EXOC6B: variants seen among roughly 807,000 people sequenced by gnomAD.
EXOC6B encodes the protein exocyst complex component 6B.
EXOC6B carries 54 observed loss-of-function variants against 113.5 expected under a neutral mutation model. That is an observed-to-expected ratio of 0.48 (90% confidence interval 0.38 to 0.60). The LOEUF is 0.60. EXOC6B is among the 20% of genes least tolerant of loss of function. The pLI is 0.00. For missense variants in EXOC6B, 797 were observed against 977.5 expected (o/e 0.82, Z 2.46); for synonymous variants, 357 against 339.0 (o/e 1.05, Z -0.58).
At chr2:72,730,312 A>G (rs1366943179) in intron 5 of EXOC6B, among the ~76,000 whole-genome samples, 2 of 152,200 alleles carry the variant, frequency 1.3e-5, no homozygotes, top group Non-Finnish European at 2.9e-5. Context: ...TCAGTAGACT[A>G]TGAGTAAAGA....
chr2:72,445,593 A>G (rs984307974), intron 18 of EXOC6B, among the ~76,000 whole-genome samples: 1 of 152,220 alleles, frequency 6.6e-6, no homozygotes, highest in South Asian at 2.1e-4. Flanking sequence ...AGGAAGAACA[A>G]GTCATATGTG....
intron 19 of EXOC6B, among the ~76,000 whole-genome samples, chr2:72,349,680 C>G (rs1465497801): frequency 6.6e-6 from 1 of 152,150 alleles, no homozygotes; most frequent in Non-Finnish European, 1.5e-5. Flanking sequence ...CTCAGCCAAG[C>G]CCTATGTGTC....
In EXOC6B at chr2:72,457,653, T is replaced by C. The variant is rs562822362; in HGVS notation, c.1980+7507A>G. 4.0e-3 allele frequency among the ~76,000 whole-genome samples: 603 copies of C among 152,212 alleles called. 3 individuals carry two copies. The highest frequency in any genetic ancestry group is 0.011 in the South Asian group (55 of 4,826). The stretch of plus-strand genomic sequence containing the variant: ...CAAAAACATGCTCTTACGCTGAGCA[T>C]GCAAAATGGGTAACTGTGTATGCAA... On this transcript the variant is annotated intron_variant, in intron 18 of 21. Transcript: ENST00000272427.
intron 20 of EXOC6B, among the ~76,000 whole-genome samples, chr2:72,236,769 G>T (rs62147601): frequency 0.038 from 5,813 of 152,022 alleles, 137 homozygotes; most frequent in Non-Finnish European, 0.051. Context: ...TTAATAGTGG[G>T]ACAAGCAAAG....
intron 6 of EXOC6B, among the ~76,000 whole-genome samples, chr2:72,640,462 C>T (rs1018110001): frequency 2.6e-5 from 4 of 152,168 alleles, no homozygotes; most frequent in Non-Finnish European, 5.9e-5. Flanking sequence ...TCCATGAGAA[C>T]GTCCCCAACC....
At chr2:72,512,053 T>C (rs1199758206) in intron 11 of EXOC6B, among the ~76,000 whole-genome samples, 1 of 152,116 alleles carries the variant, frequency 6.6e-6, no homozygotes, top group African/African-American at 2.4e-5. Flanking sequence ...ACTAAAATGA[T>C]CATTTAATTG....
intron 7 of EXOC6B, among the ~76,000 whole-genome samples, chr2:72,566,870 C>A (rs1394002281): frequency 2.6e-5 from 4 of 151,876 alleles, no homozygotes; most frequent in Non-Finnish European, 5.9e-5. Context: ...TTTCTATGAA[C>A]TGATATGGAA....
chr2:72,592,744 G>A (rs976044220), intron 6 of EXOC6B, among the ~76,000 whole-genome samples: 2 of 152,122 alleles, frequency 1.3e-5, no homozygotes, highest in Non-Finnish European at 2.9e-5. Context: ...GAGGTGATGC[G>A]AGCATCTTTA....
chr2:72,479,370 G>A (rs1418721436), intron 17 of EXOC6B, among the ~76,000 whole-genome samples: 1 of 151,990 alleles, frequency 6.6e-6, no homozygotes, highest in African/African-American at 2.4e-5. Context: ...TATAATAGCA[G>A]TATGAATCAA....
chr2:72,197,716 G>T, intron 20 of EXOC6B, among the ~76,000 whole-genome samples: 1 of 152,084 alleles, frequency 6.6e-6, no homozygotes, highest in Non-Finnish European at 1.5e-5. Context: ...ACTGAATGTT[G>T]GAGGAGACAA....
intron 1 of EXOC6B, among the ~76,000 whole-genome samples, chr2:72,752,464 T>C (rs1054162435): frequency 6.6e-6 from 1 of 151,840 alleles, no homozygotes; most frequent in Non-Finnish European, 1.5e-5. Context: ...CCCATTATTT[T>C]AAAGAAAAAA....
At chr2:72,773,454 A>G in intron 1 of EXOC6B, among the ~76,000 whole-genome samples, 1 of 151,884 alleles carries the variant, frequency 6.6e-6, no homozygotes, top group East Asian at 1.9e-4. Context: ...TCACCAAAAA[A>G]AAAAAAAAAG....
intron 11 of EXOC6B, 105 bp downstream of exon 11, chr2:72,513,027 G>A (rs1041637834): frequency 1.5e-6 from 2 of 1,315,214 alleles, no homozygotes; most frequent in Admixed American, 2.4e-5. Context: ...ATAGCTCCAA[G>A]TGAGTGATTC....
intron 18 of EXOC6B, among the ~76,000 whole-genome samples, chr2:72,460,206 C>A (rs957319893): frequency 7.0e-4 from 107 of 152,128 alleles, no homozygotes; most frequent in African/African-American, 2.6e-3. Flanking sequence ...AAAATTAATT[C>A]AAGATGGATT....
At chr2:72,292,203 GTGTGTGTGTA>G (rs1558527826) in intron 20 of EXOC6B, among the ~76,000 whole-genome samples, 1 of 149,494 alleles carries the variant, frequency 6.7e-6, no homozygotes, top group African/African-American at 2.5e-5. Context: ...GTGTGTGTGT[GTGTGTGTGTA>G]CCTTATAAAT....
At chr2:72,705,590 C>T (rs1205008122) in intron 6 of EXOC6B, among the ~76,000 whole-genome samples, 1 of 152,122 alleles carries the variant, frequency 6.6e-6, no homozygotes, top group African/African-American at 2.4e-5. Context: ...ACTTCATACA[C>T]ACACGTGCAT....
intron 7 of EXOC6B, among the ~76,000 whole-genome samples, chr2:72,564,638 A>G (rs1020545286): frequency 2.0e-5 from 3 of 152,180 alleles, no homozygotes; most frequent in Non-Finnish European, 4.4e-5. Context: ...ACCAGTGTGC[A>G]TTTCAGAACT....
chr2:72,584,137 C>G (rs1705402628), intron 6 of EXOC6B, among the ~76,000 whole-genome samples: 1 of 151,960 alleles, frequency 6.6e-6, no homozygotes, highest in African/African-American at 2.4e-5. Context: ...AACTACAAAG[C>G]AACCAGCTAA....
chr2:72,176,277 A>C lies in EXOC6B; in HGVS notation c.*3058T>G, dbSNP rs1156921971. 1.4e-5 allele frequency: 2 copies of C among 146,522 alleles called. No homozygotes were observed. Among genetic ancestry groups the C allele is most frequent in the African/African-American group, 5.0e-5 (2 of 40,064 alleles). 9.1% of individuals were successfully genotyped at this position (146,522 alleles called of 1,614,324 possible). The stretch of plus-strand genomic sequence containing the variant: ...TGCAGGCAAAAAAAAAAAAAACAAA[A>C]AGGAAGAAGAAGAAGAAGAAGAAGA... On this transcript the variant is annotated 3_prime_UTR_variant, in exon 22 of 22. Coordinates refer to ENST00000272427, the MANE Select transcript of EXOC6B (RefSeq NM_015189.3).
Sources: gnomAD v4.1 joint callset for allele counts (sites outside exome capture counted in the v4.1 genomes callset) on GRCh38, gnomAD v4.1.1 for gene constraint, MANE v1.5 for transcripts, NCBI Gene and HGNC (gene_info 2026-07-23, HGNC 2026-07-21) for gene names.